PAX5: variants seen among roughly 807,000 people sequenced by gnomAD.
PAX5 encodes the protein paired box protein Pax-5.
In PAX5, 9 loss-of-function variants were observed where a neutral mutation model predicts 43.7. The observed-to-expected ratio is 0.21, with a 90% CI of 0.12 to 0.36. The LOEUF (loss-of-function observed/expected upper bound fraction) is 0.36. Ranked by LOEUF, PAX5 falls within the 10% of genes least tolerant of loss-of-function variation. PAX5 has a pLI of 1.00. For synonymous variants in PAX5, 228 were observed against 214.3 expected (o/e 1.06, Z -0.56); for missense variants, 383 against 532.7 (o/e 0.72, Z 2.77).
intron 6 of PAX5, among the ~76,000 whole-genome samples, chr9:36,965,773 T>C (rs1056949086): frequency 2.0e-5 from 3 of 152,204 alleles, no homozygotes; most frequent in African/African-American, 7.2e-5. Flanking sequence ...TCCAGAGCCA[T>C]GTCTAGCCTG....
intron 7 of PAX5, among the ~76,000 whole-genome samples, chr9:36,896,693 C>G (rs575714653): frequency 6.6e-6 from 1 of 152,200 alleles, no homozygotes; most frequent in African/African-American, 2.4e-5. Context: ...CAGGCCACTG[C>G]TGGTTCTGGG....
chr9:36,943,546 A>T (rs1228955982), intron 6 of PAX5, among the ~76,000 whole-genome samples: 1 of 151,964 alleles, frequency 6.6e-6, no homozygotes, highest in African/African-American at 2.4e-5. Context: ...ACACACACAC[A>T]CACACACACA....
chr9:36,971,843 C>G (rs1200355438), intron 5 of PAX5, among the ~76,000 whole-genome samples: 1 of 152,174 alleles, frequency 6.6e-6, no homozygotes, highest in Non-Finnish European at 1.5e-5. Flanking sequence ...ACAATCGGGT[C>G]TGGTCACGCA....
At chr9:36,901,813 G>T (rs118156284) in intron 7 of PAX5, among the ~76,000 whole-genome samples, 1 of 152,274 alleles carries the variant, frequency 6.6e-6, no homozygotes, top group East Asian at 1.9e-4. Context: ...TAAAACGAGG[G>T]TCAAGTCTTT....
chr9:36,944,338 A>G (rs998292296), intron 6 of PAX5, among the ~76,000 whole-genome samples: 1 of 152,192 alleles, frequency 6.6e-6, no homozygotes, highest in African/African-American at 2.4e-5. Flanking sequence ...CATTTTTTAG[A>G]TGAAGAAACT....
chr9:36,898,610 G>A (rs1242533142), intron 7 of PAX5, among the ~76,000 whole-genome samples: 2 of 152,140 alleles, frequency 1.3e-5, no homozygotes, highest in African/African-American at 2.4e-5. Flanking sequence ...GGAAATTTTC[G>A]GCTCCATTTA....
At chr9:36,877,398 G>A (rs1396844892) in intron 8 of PAX5, among the ~76,000 whole-genome samples, 1 of 152,290 alleles carries the variant, frequency 6.6e-6, no homozygotes, top group Admixed American at 6.5e-5. Flanking sequence ...GTTTTCTAAA[G>A]CCGACAGTGG....
rs149599937 is a variant in PAX5, at chr9:36,992,350, T to C, written c.604+10298A>G. On this transcript the variant is annotated intron_variant, in intron 5 of 9. Coordinates refer to ENST00000358127, the MANE Select transcript of PAX5 (RefSeq NM_016734.3). ...CTAGGTTTTCTTCCCATCAAAAATA[T>C]GCCCCAGATGGGGTCTCCAGGTGGC... Among the ~76,000 whole-genome samples the C allele has an allele frequency of 4.7e-3, 722 of 152,320 alleles. 7 individuals carry two copies. Among genetic ancestry groups the C allele is most frequent in the African/African-American group, 0.017 (697 of 41,550 alleles).
At chr9:36,956,852 C>T (rs556604524) in intron 6 of PAX5, among the ~76,000 whole-genome samples, 2 of 152,234 alleles carry the variant, frequency 1.3e-5, no homozygotes, top group Non-Finnish European at 2.9e-5. Flanking sequence ...TAGAGGCACC[C>T]GGCACTTCTA....
chr9:36,835,634 A>G lies in PAX5; in HGVS notation c.*4926T>C, dbSNP rs139276440. Reference sequence around the variant, plus strand: ...CGTGGCCTGACTGTCCAACTTTCCAATAATGCATTTTATTACCTTTTAAGA... The same window carrying G: ...CGTGGCCTGACTGTCCAACTTTCCAGTAATGCATTTTATTACCTTTTAAGA... On this transcript the variant is annotated 3_prime_UTR_variant, in exon 10 of 10. Transcript: ENST00000358127. 6.1e-3 allele frequency: 1,424 copies of G among 233,262 alleles called. 25 individuals carry two copies. The highest frequency in any genetic ancestry group is 0.029 in the African/African-American group (1,317 of 45,466). The allele number at this position is 233,262 out of a possible 1,614,324, so 14.4% of individuals were successfully genotyped here.
intron 5 of PAX5, among the ~76,000 whole-genome samples, chr9:36,975,669 G>A (rs1588126766): frequency 1.3e-5 from 2 of 152,314 alleles, no homozygotes; most frequent in East Asian, 3.9e-4. Context: ...ACGGGTGTGA[G>A]CCACCACGCC....
rs1834465587 is a variant in PAX5, at chr9:36,966,670, A to G, written c.659T>C (p.Leu220Pro). The change falls in exon 6 of 10, where the codon CTC becomes CCC. Residue 220 changes from leucine (L) to proline (P), a missense_variant. Leu to Pro is a moderately conservative substitution (Grantham distance 98). Around this residue, in one of 5 missense-constraint regions of PAX5, gnomAD observed 291 missense variants for 342.5 expected, o/e 0.85. Transcript: ENST00000358127. Reference protein sequence around the residue: ...NGHSLPGRDFLRKQMRGDLFT... With the variant: ...NGHSLPGRDFPRKQMRGDLFT... ...CAAGTCTCCCCGCATCTGCTTCCGG[A>G]GGAAGTCTCTGCCCGGAAGCGAGTG... 1.2e-6 allele frequency: 2 copies of G among 1,614,032 alleles called. No homozygotes were observed. The highest frequency in any genetic ancestry group is 1.3e-5 in the African/African-American group (1 of 74,922).
At chr9:36,905,102 C>G (rs1001467359) in intron 7 of PAX5, among the ~76,000 whole-genome samples, 3 of 152,234 alleles carry the variant, frequency 2.0e-5, no homozygotes, top group African/African-American at 7.2e-5. Context: ...GAGACATGCA[C>G]TGAAGGCACA....
At chr9:37,000,125 T>C (rs930054607) in intron 5 of PAX5, among the ~76,000 whole-genome samples, 3 of 151,952 alleles carry the variant, frequency 2.0e-5, no homozygotes, top group African/African-American at 7.3e-5. Flanking sequence ...TACCTCCCCC[T>C]AGGGCCACTG....
intron 7 of PAX5, among the ~76,000 whole-genome samples, chr9:36,901,665 A>G (rs1828406263): frequency 6.6e-6 from 1 of 152,130 alleles, no homozygotes; most frequent in South Asian, 2.1e-4. Flanking sequence ...ATTGGAGCCC[A>G]GCGCTGTCCG....
intron 8 of PAX5, among the ~76,000 whole-genome samples, chr9:36,851,321 C>T (rs1823141888): frequency 1.3e-5 from 2 of 152,068 alleles, no homozygotes; most frequent in South Asian, 4.2e-4. Context: ...GGTAGAAGAA[C>T]ATTGAAGAAG....
intron 6 of PAX5, among the ~76,000 whole-genome samples, chr9:36,928,167 G>A (rs952369809): frequency 3.3e-5 from 5 of 152,170 alleles, no homozygotes; most frequent in Admixed American, 2.0e-4. Flanking sequence ...CCTCATCACC[G>A]TTTGTCCTTT....
intron 6 of PAX5, among the ~76,000 whole-genome samples, chr9:36,945,919 G>A (rs1832462025): frequency 6.6e-6 from 1 of 152,220 alleles, no homozygotes; most frequent in Non-Finnish European, 1.5e-5. Context: ...TCAGTGCCTG[G>A]CACATCATTT....
At chr9:36,941,275 T>C (rs1563991311) in intron 6 of PAX5, among the ~76,000 whole-genome samples, 1 of 152,214 alleles carries the variant, frequency 6.6e-6, no homozygotes, top group Non-Finnish European at 1.5e-5. Flanking sequence ...TACAGAGTTG[T>C]TCTGAGTATT....
Sources: allele counts gnomAD v4.1 joint callset (sites outside exome capture counted in the v4.1 genomes callset), GRCh38; gene constraint gnomAD v4.1.1; regional missense constraint gnomAD v4.1.1; transcripts MANE v1.5; gene names NCBI Gene and HGNC (gene_info 2026-07-23, HGNC 2026-07-21).